GSDME: variants seen among roughly 807,000 people sequenced by gnomAD.
GSDME encodes gasdermin-E.
A neutral mutation model predicts 47.5 loss-of-function variants in GSDME; 44 were observed. The ratio of observed to expected loss-of-function variants is 0.93; its 90% CI spans 0.73 to 1.19. The LOEUF (loss-of-function observed/expected upper bound fraction) is 1.19. Ranked by LOEUF, GSDME falls within the 50% of genes most tolerant of loss-of-function variation. The pLI, the probability that GSDME is intolerant of heterozygous loss-of-function variation, is 0.00. For synonymous variants in GSDME, 258 were observed against 252.8 expected (o/e 1.02, Z -0.20); for missense variants, 663 against 604.2 (o/e 1.10, Z -1.02).
chr7:24,786,386 C>T, the GSDME span, among the ~76,000 whole-genome samples: 1 of 152,142 alleles, frequency 6.6e-6, no homozygotes, highest in African/African-American at 2.4e-5. This position sits in a 1 kb window ranked among gnomAD's most constrained non-coding sequence, Gnocchi z 5.5. Context: ...AAGGAGGTGC[C>T]CTTGGAAACA....
In GSDME at chr7:24,708,151, TTCA is replaced by T; in HGVS notation, c.963_965del (p.Asp321del). 1.2e-6 allele frequency: 2 copies of T among 1,614,102 alleles called. No individual in the cohort carries two copies. Among genetic ancestry groups the T allele is most frequent in the Non-Finnish European group, 1.7e-6 (2 of 1,180,016 alleles). The stretch of plus-strand genomic sequence containing the variant: ...CCACTGGTTCCAGGACCATGAGTAG[TTCA>T]TCATCAAATAGGACCGCCTGGAAGA... On this transcript the variant is annotated inframe_deletion, in exon 7 of 10. Transcript: ENST00000645220.
intron 3 of GSDME, among the ~76,000 whole-genome samples, chr7:24,722,425 A>T (rs117006578): frequency 2.6e-5 from 4 of 152,354 alleles, no homozygotes; most frequent in Non-Finnish European, 4.4e-5. Flanking sequence ...ACCACCGGTC[A>T]GAACATACAT....
chr7:24,706,965 G>A (rs961674705), intron 7 of GSDME, among the ~76,000 whole-genome samples: 1 of 152,242 alleles, frequency 6.6e-6, no homozygotes, highest in Non-Finnish European at 1.5e-5. Context: ...GGGCAGCTGA[G>A]GCTCTCTCCA....
Position 24,735,523 on chromosome 7 carries a change from G to A in GSDME, c.404+9039C>T, listed in dbSNP as rs144883020. ...TGTAATCCCAGCAGTTTGGGAGGCC[G>A]AGGTGGGTGTATCACCTGAAGACAG... On this transcript the variant is annotated intron_variant, in intron 3 of 9. Coordinates refer to ENST00000645220, the MANE Select transcript of GSDME (RefSeq NM_001127453.2). This position sits in a 1 kb window ranked among gnomAD's most constrained non-coding sequence, Gnocchi z 4.4. Among the ~76,000 whole-genome samples the A allele has an allele frequency of 4.6e-5, 7 of 152,210 alleles. No individual in the cohort carries two copies. The highest frequency in any genetic ancestry group is 1.9e-4 in the East Asian group (1 of 5,180).
At chr7:24,722,602 G>A (rs1398473152) in intron 3 of GSDME, among the ~76,000 whole-genome samples, 3 of 152,166 alleles carry the variant, frequency 2.0e-5, no homozygotes, top group Non-Finnish European at 4.4e-5. Flanking sequence ...GCCTTTAGGA[G>A]TCTGATGTGA....
the GSDME span, among the ~76,000 whole-genome samples, chr7:24,775,438 G>A: frequency 3.9e-5 from 6 of 152,206 alleles, no homozygotes; most frequent in African/African-American, 1.2e-4. Context: ...AAATCATATC[G>A]CTTGGAATGC....
the GSDME span, among the ~76,000 whole-genome samples, chr7:24,788,278 C>T: frequency 3.9e-5 from 6 of 152,310 alleles, no homozygotes; most frequent in Admixed American, 1.3e-4. The surrounding 1 kb of genome is among the most constrained non-coding windows in gnomAD (Gnocchi z 4.6). Flanking sequence ...GGGGGCACTG[C>T]GATGAGTGGT....
the GSDME span, among the ~76,000 whole-genome samples, chr7:24,767,322 T>G: frequency 1.3e-5 from 2 of 152,210 alleles, no homozygotes; most frequent in East Asian, 3.9e-4. The surrounding 1 kb of genome is among the most constrained non-coding windows in gnomAD (Gnocchi z 5.3). Flanking sequence ...AGACTCCATC[T>G]CAACAAAAAA....
At chr7:24,783,680 CT>C in the GSDME span, among the ~76,000 whole-genome samples, 5 of 152,002 alleles carry the variant, frequency 3.3e-5, no homozygotes, top group Non-Finnish European at 7.3e-5. Flanking sequence ...CAGACAGGGG[CT>C]CCATTCTAAG....
chr7:24,729,097 T>G (rs1367544925), intron 3 of GSDME, among the ~76,000 whole-genome samples: 1 of 152,178 alleles, frequency 6.6e-6, no homozygotes, highest in African/African-American at 2.4e-5. Flanking sequence ...ACTGAGAACC[T>G]GTAGATGTTC....
Position 24,710,273 on chromosome 7 carries a change from A to G in GSDME, c.813T>C (p.Ala271=), listed in dbSNP as rs762117315. ...REFAFIDMPD[A]AHGISSQDGP... ...CATCCTGGGAAGATATCCCATGCGCAGCATCTGGCATGTCTATGAATGCAA... is the reference window on the plus strand; with the variant it reads ...CATCCTGGGAAGATATCCCATGCGCGGCATCTGGCATGTCTATGAATGCAA... Residue 271 remains alanine, a synonymous_variant, in exon 6 of 10, where the codon GCT becomes GCC. Coordinates refer to ENST00000645220, the MANE Select transcript of GSDME (RefSeq NM_001127453.2). 6 of 1,614,122 alleles carry G rather than the reference A, an allele frequency of 3.7e-6. No homozygotes were observed. Among genetic ancestry groups the G allele is most frequent in the South Asian group, 2.2e-5 (2 of 91,086 alleles).
At chr7:24,702,100 C>T (rs560476788) in intron 9 of GSDME, among the ~76,000 whole-genome samples, 90 of 152,318 alleles carry the variant, frequency 5.9e-4, no homozygotes, top group African/African-American at 2.1e-3. Context: ...CCAGGCTGAG[C>T]AACATCTGCA....
rs1790169979 is a variant in GSDME, at chr7:24,732,260, T to C, written c.404+12302A>G. ...AAACCCTCTGGTAGCCATTGGGAAA[T>C]TGATCAGGTAGGAAGGAAGCCCAGT... On this transcript the variant is annotated intron_variant, in intron 3 of 9. Coordinates refer to ENST00000645220, the MANE Select transcript of GSDME (RefSeq NM_001127453.2). This position sits in a 1 kb window ranked among gnomAD's most constrained non-coding sequence, Gnocchi z 4.8. 6.6e-6 allele frequency among the ~76,000 whole-genome samples: 1 copy of C among 152,166 alleles called. No individual in the cohort carries two copies. The highest frequency in any genetic ancestry group is 1.9e-4 in the East Asian group (1 of 5,194).
the GSDME span, among the ~76,000 whole-genome samples, chr7:24,781,318 G>C: frequency 6.6e-6 from 1 of 152,182 alleles, no homozygotes; most frequent in African/African-American, 2.4e-5. Context: ...CAAAGGCATG[G>C]AGATCTGGGC....
the GSDME span, among the ~76,000 whole-genome samples, chr7:24,784,975 T>C: frequency 1.3e-5 from 2 of 152,142 alleles, no homozygotes; most frequent in African/African-American, 4.8e-5. Flanking sequence ...AACACCCTCA[T>C]AGACACAGCC....
At chr7:24,702,734 A>G (rs542974299) in intron 9 of GSDME, 26 bp downstream of exon 9, 8 of 1,605,134 alleles carry the variant, frequency 5.0e-6, no homozygotes, top group African/African-American at 1.3e-5. Flanking sequence ...TATCCATTCT[A>G]AGGTCCCACC....
intron 4 of GSDME, among the ~76,000 whole-genome samples, chr7:24,718,009 A>G (rs1789634203): frequency 6.6e-6 from 1 of 152,248 alleles, no homozygotes; most frequent in African/African-American, 2.4e-5. Flanking sequence ...CAATCAGAGA[A>G]CTTTTCTTAG....
intron 3 of GSDME, among the ~76,000 whole-genome samples, chr7:24,722,361 G>T (rs1387747144): frequency 6.6e-6 from 1 of 152,186 alleles, no homozygotes; most frequent in African/African-American, 2.4e-5. Context: ...TCTTCCTAAG[G>T]GATTGCATGT....
the GSDME span, among the ~76,000 whole-genome samples, chr7:24,792,875 T>C: frequency 6.6e-6 from 1 of 152,178 alleles, no homozygotes; most frequent in Non-Finnish European, 1.5e-5. Flanking sequence ...CTAAGGGTAG[T>C]ACATGTGCTA....
Sources: allele counts gnomAD v4.1 joint callset (sites outside exome capture counted in the v4.1 genomes callset), GRCh38; gene constraint gnomAD v4.1.1; non-coding constraint Gnocchi (gnomAD v3.1); transcripts MANE v1.5; gene names NCBI Gene and HGNC (gene_info 2026-07-23, HGNC 2026-07-21).